ENDOU: variants seen among roughly 807,000 people sequenced by gnomAD.
ENDOU encodes the protein endonuclease, poly(U) specific.
A neutral mutation model predicts 54.2 loss-of-function variants in ENDOU; 49 were observed. The ratio of observed to expected loss-of-function variants is 0.90; its 90% CI spans 0.72 to 1.15. The LOEUF is 1.15. Ranked by LOEUF, ENDOU falls within the 50% of genes most tolerant of loss-of-function variation. ENDOU has a pLI of 0.00. For missense variants in ENDOU, 458 were observed against 511.4 expected, an observed-to-expected ratio of 0.90 and a Z score of 1.01; for synonymous variants, 172 against 190.5, an observed-to-expected ratio of 0.90 and a Z score of 0.80.
At position 47,713,360 on chromosome 12, in the gene ENDOU, G is replaced by A. The variant is rs530895808; in HGVS notation, c.780C>T (p.Val260=). ...QNRYGSEQEF[V]DDLKNMWFGL... is the part of the protein sequence containing the mutation. ...CAAACCACATGTTCTTCAAGTCATC[G>A]ACAAACTCTTGCTCTGAGCCATAGC... Residue 260 remains valine, a synonymous_variant, in exon 7 of 10, where the codon GTC becomes GTT. Transcript: ENST00000422538. The A allele has an allele frequency of 1.9e-4, 311 of 1,613,850 alleles. 6 individuals are homozygous for A. In the South Asian group the frequency reaches 3.1e-3, roughly 16 times the overall value.
Position 47,716,930 on chromosome 12 carries a change from G to A in ENDOU, c.511C>T (p.Pro171Ser). Residue 171 changes from proline to serine, a missense_variant, in exon 5 of 10, where the codon CCG (proline) becomes TCG (serine). Transcript: ENST00000422538. ...TCCACTTGGTTTCTGGTCTCTGACGGGGAGATGCAGTTTTGGCTATTGAGA... is the reference window on the plus strand; with the variant it reads ...TCCACTTGGTTTCTGGTCTCTGACGAGGAGATGCAGTTTTGGCTATTGAGA... ...IVLNSQNCIS[P>S]SETRNQVDRC... 6.2e-7 allele frequency: 1 copy of A among 1,614,180 alleles called. No homozygotes were observed. The highest frequency in any genetic ancestry group is 8.5e-7 in the Non-Finnish European group (1 of 1,180,016).
At position 47,725,476 on chromosome 12, in the gene ENDOU, T is replaced by G. The variant is rs1240983532; in HGVS notation, c.-63A>C. The G allele has an allele frequency of 2.0e-6, 3 of 1,493,242 alleles. No homozygotes were observed. Among genetic ancestry groups the G allele is most frequent in the Non-Finnish European group, 2.8e-6 (3 of 1,072,828 alleles). The allele number at this position is 1,493,242 out of a possible 1,614,324, so 92.5% of individuals were successfully genotyped here. ...GACTTTCACTAGAGTCAGATGAATG[T>G]CACAGCTCTCAGACGAGCCTTATTC... On this transcript the variant is annotated 5_prime_UTR_variant, in exon 1 of 10. Transcript: ENST00000422538.
In ENDOU at chr12:47,716,324, G is replaced by T. The variant is rs771868081; in HGVS notation, c.727C>A (p.Leu243Ile). The T allele has an allele frequency of 6.2e-7, 1 of 1,614,104 alleles. No homozygotes were observed. Among genetic ancestry groups the T allele is most frequent in the East Asian group, 2.2e-5 (1 of 44,884 alleles). ...CTCTGGTGATGGAGGAAGCTGTAGA[G>T]CTCCTTCATGACTGCTGTCTTCATG... ...EIMKTAVMKE[L>I]YSFLHHQNRY... Residue 243 changes from leucine to isoleucine, a missense_variant, in exon 6 of 10, where the codon CTC becomes ATC. By Grantham distance (5) the Leu-to-Ile change is conservative (BLOSUM62 2). Coordinates refer to ENST00000422538, the MANE Select transcript of ENDOU (RefSeq NM_001172439.2).
At chr12:47,718,812 G>T (rs74852746) in intron 2 of ENDOU, among the ~76,000 whole-genome samples, 44 of 152,102 alleles carry the variant, frequency 2.9e-4, no homozygotes, top group African/African-American at 9.4e-4. Context: ...GGTGATGCAG[G>T]GGGGAGAAAT....
chr12:47,719,075 A>G (rs571290107), intron 2 of ENDOU: 2 of 152,328 alleles, frequency 1.3e-5, no homozygotes, highest in East Asian at 1.9e-4. Flanking sequence ...ATTCAGCCAC[A>G]TTTTATGCTA....
At chr12:47,716,624 C>A in intron 5 of ENDOU, 125 bp from the exon 6 acceptor site, 1 of 834,712 alleles carries the variant, frequency 1.2e-6, no homozygotes, top group Non-Finnish European at 1.9e-6. Context: ...GGGGGCACTT[C>A]GGGTACTCTT....
At chr12:47,722,890 A>C (rs1472339296) in intron 1 of ENDOU, among the ~76,000 whole-genome samples, 1 of 152,214 alleles carries the variant, frequency 6.6e-6, no homozygotes, top group Non-Finnish European at 1.5e-5. Context: ...TTGTTCCTTC[A>C]AGCCGGCAGG....
chr12:47,719,756 A>G (rs1375039533), intron 2 of ENDOU: 2 of 152,182 alleles, frequency 1.3e-5, no homozygotes, highest in East Asian at 3.8e-4. Flanking sequence ...GTATTTCTTC[A>G]TAGCAGTATG....
intron 4 of ENDOU, among the ~76,000 whole-genome samples, chr12:47,717,273 T>G (rs73104197): frequency 0.071 from 10,744 of 152,258 alleles, 487 homozygotes; most frequent in Middle Eastern, 0.099. Context: ...CCCCCGCCCC[T>G]TCCCCCTAGA....
intron 1 of ENDOU, among the ~76,000 whole-genome samples, chr12:47,721,853 A>G (rs1056618574): frequency 9.2e-5 from 14 of 152,224 alleles, no homozygotes; most frequent in Non-Finnish European, 1.9e-4. Context: ...CGCTGGGTTC[A>G]GAGGTCATAC....
Position 47,717,972 on chromosome 12 carries a change from C to T in ENDOU, c.244+157G>A, listed in dbSNP as rs1001013715. 2.2e-5 allele frequency: 16 copies of T among 711,412 alleles called. No individual in the cohort carries two copies. The African/African-American group carries it at 2.5e-4, about 11-fold the overall frequency. The allele number at this position is 711,412 out of a possible 1,614,324, so 44.1% of individuals were successfully genotyped here. ...TGGCCCCCCAGGCTGGCTGAGCCCC[C>T]CCAGGCTTCTTCCTGCCCAGGTTCC... On this transcript the variant is annotated intron_variant, in intron 3 of 9. Transcript: ENST00000422538.
At chr12:47,714,458 G>A (rs1238270089) in intron 6 of ENDOU, among the ~76,000 whole-genome samples, 5 of 152,258 alleles carry the variant, frequency 3.3e-5, no homozygotes, top group African/African-American at 7.2e-5. Flanking sequence ...CTTTGTCTAC[G>A]TAAGAAGTTG....
Position 47,710,780 on chromosome 12 carries a change from C to T in ENDOU, c.*22G>A. 1.3e-6 allele frequency: 2 copies of T among 1,538,944 alleles called. No homozygotes were observed. Among genetic ancestry groups the T allele is most frequent in the Non-Finnish European group, 1.8e-6 (2 of 1,111,324 alleles). On this transcript the variant is annotated 3_prime_UTR_variant, in exon 10 of 10. Transcript: ENST00000422538. ...TTCAGTCTCGCAAGAGCCCTCATGC[C>T]CCTTTCTGGCTCGAAGTTCTATTAG...
At chr12:47,711,543 G>A in intron 9 of ENDOU, 90 bp downstream of exon 9, 1 of 1,431,214 alleles carries the variant, frequency 7.0e-7, no homozygotes, top group Non-Finnish European at 9.5e-7. Flanking sequence ...CAGCCTCTTT[G>A]TGGCAGAGTC....
intron 6 of ENDOU, 64 bp downstream of exon 6, chr12:47,716,236 C>G (rs1940225960): frequency 1.3e-6 from 2 of 1,545,686 alleles, no homozygotes; most frequent in Non-Finnish European, 1.8e-6. Context: ...CCTTCCCCTC[C>G]CCCGCCCACC....
In ENDOU at chr12:47,720,736, C is replaced by T. The variant is rs1426998372; in HGVS notation, c.178+17G>A. ...TTAGACAGGCTGGACATGCCTTCGT[C>T]TCACAAGGAGGCTCACCAGTACACA... is the stretch of plus-strand genomic sequence containing the variant. On this transcript the variant is annotated intron_variant, in intron 2 of 9. Transcript: ENST00000422538. 2 of 1,535,390 alleles carry T rather than the reference C, an allele frequency of 1.3e-6. No homozygotes were observed. Among genetic ancestry groups the T allele is most frequent in the Non-Finnish European group, 1.7e-6 (2 of 1,146,622 alleles).
intron 4 of ENDOU, 46 bp from the exon 5 acceptor site, chr12:47,717,104 G>T (rs1940272688): frequency 1.3e-6 from 2 of 1,582,336 alleles, no homozygotes; most frequent in South Asian, 2.2e-5. Flanking sequence ...AGAGGGAAAG[G>T]GGGGCGGGCA....
intron 1 of ENDOU, among the ~76,000 whole-genome samples, chr12:47,721,844 G>C (rs767929109): frequency 6.6e-6 from 1 of 152,184 alleles, no homozygotes; most frequent in Non-Finnish European, 1.5e-5. Context: ...TTTCACGAAC[G>C]CTGGGTTCAG....
At chr12:47,717,932 G>A (rs1940313562) in intron 3 of ENDOU, 197 bp downstream of exon 3, 1 of 619,488 alleles carries the variant, frequency 1.6e-6, no homozygotes, top group Non-Finnish European at 2.8e-6. Context: ...CTCTTTCCTA[G>A]CTACCCTCCT....
Sources: allele counts gnomAD v4.1 joint callset (sites outside exome capture counted in the v4.1 genomes callset), GRCh38; gene constraint gnomAD v4.1.1; transcripts MANE v1.5; gene names NCBI Gene and HGNC (gene_info 2026-07-23, HGNC 2026-07-21).